CPVL: variants seen among roughly 807,000 people sequenced by gnomAD.
CPVL encodes the protein carboxypeptidase vitellogenic like.
A neutral mutation model predicts 63.7 loss-of-function variants in CPVL; 51 were observed. That is an observed-to-expected ratio of 0.80 (90% CI 0.64 to 1.01). The LOEUF is 1.01. CPVL is among the 50% of genes least tolerant of loss of function. The pLI, the probability that CPVL is intolerant of heterozygous loss-of-function variation, is 0.00. For synonymous variants in CPVL, 195 were observed against 206.0 expected, an observed-to-expected ratio of 0.95 and a Z score of 0.46; for missense variants, 530 against 573.1, an observed-to-expected ratio of 0.92 and a Z score of 0.77.
chr7:29,068,895 CCGTGGTCT>C (rs1356876053), intron 9 of CPVL, among the ~76,000 whole-genome samples: 4 of 150,432 alleles, frequency 2.7e-5, no homozygotes, highest in African/African-American at 9.7e-5. Flanking sequence ...CGGGGTTTCA[CCGTGGTCT>C]CGATCTCCTG....
At chr7:29,140,376 C>T (rs1476801822) in intron 1 of CPVL, among the ~76,000 whole-genome samples, 1 of 152,168 alleles carries the variant, frequency 6.6e-6, no homozygotes, top group Non-Finnish European at 1.5e-5. Flanking sequence ...TCTAACCATA[C>T]AGTAAAGGGT....
At chr7:29,172,026 G>A (rs10259047) in intron 5 of CPVL, among the ~76,000 whole-genome samples, 4,027 of 152,220 alleles carry the variant, frequency 0.026, 176 homozygotes, top group African/African-American at 0.093. Context: ...AAAACTCATG[G>A]AATGGTGGAG....
intron 10 of CPVL, among the ~76,000 whole-genome samples, chr7:29,065,619 C>A (rs1208778164): frequency 6.6e-6 from 1 of 152,170 alleles, no homozygotes; most frequent in Non-Finnish European, 1.5e-5. Context: ...AAGGCTTTGG[C>A]AGTTTTGATT....
At chr7:29,177,849 T>C (rs1474903901) in intron 5 of CPVL, among the ~76,000 whole-genome samples, 2 of 152,016 alleles carry the variant, frequency 1.3e-5, no homozygotes, top group African/African-American at 4.8e-5. Flanking sequence ...CCCAGACCTC[T>C]CTCCAAACCT....
chr7:29,025,081 T>A (rs1243206272), intron 12 of CPVL, among the ~76,000 whole-genome samples: 1 of 152,184 alleles, frequency 6.6e-6, no homozygotes, highest in Non-Finnish European at 1.5e-5. Flanking sequence ...AGTAATAACT[T>A]TGAATGTAAA....
intron 12 of CPVL, among the ~76,000 whole-genome samples, chr7:29,008,368 T>G (rs1014814440): frequency 1.2e-4 from 19 of 152,288 alleles, no homozygotes; most frequent in Middle Eastern, 6.8e-3. Context: ...ACAGTTAAAC[T>G]TGCATTTTGG....
intron 5 of CPVL, among the ~76,000 whole-genome samples, chr7:29,152,495 T>C (rs1793729793): frequency 6.6e-6 from 1 of 152,190 alleles, no homozygotes; most frequent in Non-Finnish European, 1.5e-5. Context: ...TATCCACCTT[T>C]ACTGAGCCAA....
At chr7:29,099,023 C>T (rs1183136452) in intron 3 of CPVL, among the ~76,000 whole-genome samples, 2 of 152,016 alleles carry the variant, frequency 1.3e-5, no homozygotes, top group East Asian at 1.9e-4. Context: ...CAAGATTGCG[C>T]CATTGCACTC....
intron 12 of CPVL, among the ~76,000 whole-genome samples, chr7:29,021,163 A>G (rs1786931799): frequency 6.8e-6 from 1 of 148,068 alleles, no homozygotes; most frequent in South Asian, 2.1e-4. Flanking sequence ...CTGTCTCAAG[A>G]AAAAAAAAAA....
At chr7:29,181,868 A>G (rs1242220661) in intron 4 of CPVL, among the ~76,000 whole-genome samples, 4 of 149,220 alleles carry the variant, frequency 2.7e-5, no homozygotes, top group African/African-American at 7.7e-5. Context: ...TAAGGGGGGG[A>G]AAAGTACCTA....
At chr7:29,057,241 C>G (rs1790832674) in intron 11 of CPVL, among the ~76,000 whole-genome samples, 1 of 152,096 alleles carries the variant, frequency 6.6e-6, no homozygotes, top group Non-Finnish European at 1.5e-5. Context: ...TAGACATGAG[C>G]CACTGGCAAC....
chr7:29,134,963 C>T (rs1161725269), intron 1 of CPVL, among the ~76,000 whole-genome samples: 1 of 151,878 alleles, frequency 6.6e-6, no homozygotes, highest in Non-Finnish European at 1.5e-5. Flanking sequence ...ATTAGCCAGA[C>T]ATGGTGGCAC....
At chr7:29,112,250 G>C (rs568388256) in intron 3 of CPVL, among the ~76,000 whole-genome samples, 4 of 152,234 alleles carry the variant, frequency 2.6e-5, no homozygotes, top group Non-Finnish European at 5.9e-5. Flanking sequence ...GCATGAAGGA[G>C]TCCACAGACA....
intron 5 of CPVL, among the ~76,000 whole-genome samples, chr7:29,166,523 A>C (rs938046822): frequency 6.6e-6 from 1 of 152,092 alleles, no homozygotes; most frequent in African/African-American, 2.4e-5. Context: ...TTATAGTTAG[A>C]AGCCTTTAAT....
upstream of CPVL, chr7:29,147,187 GA>G (rs1792855700): frequency 1.7e-6 from 1 of 580,794 alleles, no homozygotes. Context: ...GACAGTACGG[GA>G]GCAAGAACTA....
chr7:29,092,466 G>A (rs1441299092), intron 6 of CPVL, among the ~76,000 whole-genome samples, 157 bp downstream of exon 6: 2 of 152,170 alleles, frequency 1.3e-5, no homozygotes, highest in Non-Finnish European at 2.9e-5. Context: ...GAAAAATTCT[G>A]CTCTGTGTGT....
Position 29,030,631 on chromosome 7 carries a change from A to G in CPVL, c.1266T>C (p.Phe422=), listed in dbSNP as rs1313196656. 7 of 1,613,790 alleles carry G rather than the reference A, an allele frequency of 4.3e-6. No homozygotes were observed. In the African/African-American group the frequency reaches 8.0e-5, roughly 18 times the overall value. Residue 422 remains phenylalanine (F), a synonymous_variant, in exon 12 of 13, where the codon TTT becomes TTC. Transcript: ENST00000265394. ...AACCAGCCACTTCACTGTCAGATTT[A>G]AAGATCTTCCAAACTTTTTTTTCTG... The part of the protein sequence containing the change: ...KKAEKKVWKI[F]KSDSEVAGYI...
upstream of CPVL, among the ~76,000 whole-genome samples, chr7:29,149,189 CTTTTTTTTT>C (rs60520174): frequency 1.4e-4 from 14 of 100,340 alleles, no homozygotes; most frequent in Non-Finnish European, 2.2e-4. Context: ...GTCTGTTTCC[CTTTTTTTTT>C]TTTTTTTTTT....
At chr7:29,081,377 G>A (rs1784694532) in intron 7 of CPVL, 1 of 152,228 alleles carries the variant, frequency 6.6e-6, no homozygotes, top group Non-Finnish European at 1.5e-5. Flanking sequence ...GGGCAGAAAT[G>A]AAGAGGAGGA....
Sources: gnomAD v4.1 joint callset for allele counts (sites outside exome capture counted in the v4.1 genomes callset) on GRCh38, gnomAD v4.1.1 for gene constraint, MANE v1.5 for transcripts, NCBI Gene and HGNC (gene_info 2026-07-23, HGNC 2026-07-21) for gene names.